The following RUSC2 variants were observed in gnomAD, a reference collection of about 807,000 sequenced individuals.
RUSC2 encodes the protein AP-4 complex accessory subunit RUSC2.
RUSC2 carries 34 observed loss-of-function variants against 122.2 expected under a neutral mutation model. The ratio of observed to expected loss-of-function variants is 0.28; its 90% CI spans 0.21 to 0.37. The LOEUF is 0.37. Ranked by LOEUF, RUSC2 falls within the 10% of genes least tolerant of loss-of-function variation. RUSC2 has a pLI of 1.00. For synonymous variants in RUSC2, 784 were observed against 790.0 expected, an observed-to-expected ratio of 0.99 and a Z score of 0.13; for missense variants, 1,747 against 1,952.4, an observed-to-expected ratio of 0.89 and a Z score of 1.98.
chr9:35,561,543 C>T lies in RUSC2; in HGVS notation c.*161C>T. On this transcript the variant is annotated 3_prime_UTR_variant, in exon 12 of 12. Transcript: ENST00000361226. ...TCCCTGTGCTCAGTATTAATTACGC[C>T]CCCTTAACTGTCCCAGTGACCTTGT... The T allele has an allele frequency of 1.6e-6, 1 of 630,218 alleles. No individual in the cohort carries two copies. The highest frequency in any genetic ancestry group is 2.0e-5 in the South Asian group (1 of 51,162). 39.0% of individuals were successfully genotyped at this position (630,218 alleles called of 1,614,324 possible).
At position 35,560,210 on chromosome 9, in the gene RUSC2, A is replaced by G; in HGVS notation, c.3570A>G (p.Glu1190=). The G allele has an allele frequency of 6.2e-7, 1 of 1,604,720 alleles. No individual in the cohort carries two copies. Among genetic ancestry groups the G allele is most frequent in the Non-Finnish European group, 8.5e-7 (1 of 1,179,340 alleles). ...QSGQQQRQHK[E]LLRVSQDLLL... Reference sequence around the variant, plus strand: ...GGCAGCAGCAGCGGCAGCACAAGGAACTGCTGCGGGTGTCCCAGGACCTGC... The same window carrying G: ...GGCAGCAGCAGCGGCAGCACAAGGAGCTGCTGCGGGTGTCCCAGGACCTGC... Residue 1190 remains glutamate, a synonymous_variant, in exon 10 of 12, where the codon GAA becomes GAG. Coordinates refer to ENST00000361226, the MANE Select transcript of RUSC2 (RefSeq NM_014806.5).
At chr9:35,525,201 T>G (rs1821302127) in intron 1 of RUSC2, among the ~76,000 whole-genome samples, 1 of 152,108 alleles carries the variant, frequency 6.6e-6, no homozygotes, top group East Asian at 1.9e-4. Flanking sequence ...AGGGGTAGGG[T>G]GGGATAAATA....
chr9:35,560,775 C>T lies in RUSC2; in HGVS notation c.4135C>T (p.Pro1379Ser). The change falls in exon 10 of 12, where the codon CCT becomes TCT. Residue 1379 changes from proline to serine, a missense_variant. Pro to Ser is a moderately conservative substitution (Grantham distance 74). Transcript: ENST00000361226. ...PAENEEGASE[P>S]SPGGIKWGHL... The stretch of plus-strand genomic sequence containing the variant: ...AGAAAATGAGGAAGGGGCCTCAGAG[C>T]CTTCACCTGGAGGCATCAAGTGGGG... The T allele has an allele frequency of 1.3e-6, 2 of 1,535,686 alleles. No individual in the cohort carries two copies. Among genetic ancestry groups the T allele is most frequent in the South Asian group, 1.3e-5 (1 of 77,064 alleles).
chr9:35,560,984 G>C lies in RUSC2; in HGVS notation c.4236G>C (p.Leu1412=). 1.2e-6 allele frequency: 2 copies of C among 1,614,196 alleles called. No individual in the cohort carries two copies. The highest frequency in any genetic ancestry group is 8.5e-7 in the Non-Finnish European group (1 of 1,180,022). ...TNRLPSDWLS[L]DKSMFQLVAQ... is the part of the protein sequence containing the mutation. Reference sequence around the variant, plus strand: ...GGCTCCCCTCGGACTGGCTGAGCCTGGACAAGTCCATGTTCCAACTAGTGG... The same window carrying C: ...GGCTCCCCTCGGACTGGCTGAGCCTCGACAAGTCCATGTTCCAACTAGTGG... Residue 1412 remains leucine, a synonymous_variant, in exon 11 of 12, where the codon CTG becomes CTC. Transcript: ENST00000361226.
intron 1 of RUSC2, among the ~76,000 whole-genome samples, chr9:35,498,212 C>G (rs1374737934): frequency 6.6e-6 from 1 of 150,494 alleles, no homozygotes; most frequent in African/African-American, 2.4e-5. Context: ...TACCTAATTA[C>G]TCAGGTAGGA....
At chr9:35,540,243 C>T (rs1405974344) in intron 1 of RUSC2, among the ~76,000 whole-genome samples, 1 of 152,108 alleles carries the variant, frequency 6.6e-6, no homozygotes, top group Non-Finnish European at 1.5e-5. Context: ...GTGGTGTGCA[C>T]CTGTAGTCCC....
In RUSC2 at chr9:35,548,824, G is replaced by A; in HGVS notation, c.2014+289G>A. The A allele has an allele frequency of 1.2e-6, 1 of 813,442 alleles. No homozygotes were observed. Among genetic ancestry groups the A allele is most frequent in the Non-Finnish European group, 1.5e-6 (1 of 672,862 alleles). The allele number at this position is 813,442 out of a possible 1,614,324, so 50.4% of individuals were successfully genotyped here. A position where few individuals can be genotyped will look rare whatever the true frequency, so the allele number is the denominator to read the frequency against. Reference sequence around the variant, plus strand: ...CCAGGCGAATCACTTGAGGTCAGGAGTTTGAGACCAGCCTGGCCAACATAA... The same window carrying A: ...CCAGGCGAATCACTTGAGGTCAGGAATTTGAGACCAGCCTGGCCAACATAA... On this transcript the variant is annotated intron_variant, in intron 2 of 11. Coordinates refer to ENST00000361226, the MANE Select transcript of RUSC2 (RefSeq NM_014806.5). This position sits in a 1 kb window ranked among gnomAD's most constrained non-coding sequence, Gnocchi z 4.5.
Position 35,555,211 on chromosome 9 carries a change from C to T in RUSC2, c.2166C>T (p.Leu722=), listed in dbSNP as rs1821984140. 6.2e-7 allele frequency: 1 copy of T among 1,613,314 alleles called. No homozygotes were observed. The highest frequency in any genetic ancestry group is 8.5e-7 in the Non-Finnish European group (1 of 1,180,014). The change falls in exon 3 of 12, where the codon CTC becomes CTT. Residue 722 remains leucine, a synonymous_variant. Coordinates refer to ENST00000361226, the MANE Select transcript of RUSC2 (RefSeq NM_014806.5). This position sits in a 1 kb window ranked among gnomAD's most constrained non-coding sequence, Gnocchi z 4.6. Reference sequence around the variant, plus strand: ...ACAGCCTTTCCCAGCTCTACAGCCTCTCAGGCTGCAGCCGTACACAGCAGC... The same window carrying T: ...ACAGCCTTTCCCAGCTCTACAGCCTTTCAGGCTGCAGCCGTACACAGCAGC... The part of the protein sequence containing the change: ...ALHSLSQLYS[L]SGCSRTQQPA...
rs958378320 is a variant in RUSC2, at chr9:35,557,779, G to C, written c.2984-135G>C. The C allele has an allele frequency of 2.7e-6, 2 of 729,258 alleles. No homozygotes were observed. Among genetic ancestry groups the C allele is most frequent in the South Asian group, 1.6e-5 (1 of 63,398 alleles). The allele number at this position is 729,258 out of a possible 1,614,324, so 45.2% of individuals were successfully genotyped here. On this transcript the variant is annotated intron_variant, in intron 5 of 11. Transcript: ENST00000361226. This position sits in a 1 kb window ranked among gnomAD's most constrained non-coding sequence, Gnocchi z 4.6. ...GAAAAGGGCCAGGCCTGAATGTTTT[G>C]ATAAGACCCATGTGCAGATGTGGAG...
At position 35,560,692 on chromosome 9, in the gene RUSC2, CTG is replaced by C; in HGVS notation, c.4055_4056del (p.Val1352AlafsTer21). 1 of 1,561,598 alleles carries C rather than the reference CTG, an allele frequency of 6.4e-7. No individual in the cohort carries two copies. Among genetic ancestry groups the C allele is most frequent in the Non-Finnish European group, 8.7e-7 (1 of 1,152,818 alleles). ...TTCTGGATGGGGAGCCCCCCTGACT[CTG>C]TGCTGGCCGAGCTGAGGCGCAGTCG... On this transcript the variant is annotated frameshift_variant, in exon 10 of 12. Coordinates refer to ENST00000361226, the MANE Select transcript of RUSC2 (RefSeq NM_014806.5). LOFTEE classifies it high-confidence loss of function.
intron 1 of RUSC2, among the ~76,000 whole-genome samples, chr9:35,494,834 T>A: frequency 6.8e-6 from 1 of 147,918 alleles, no homozygotes; most frequent in Non-Finnish European, 1.5e-5. Context: ...CTGTGCATTT[T>A]GTCTTACCCA....
rs1221564402 is a variant in RUSC2, at chr9:35,556,366, G to A, written c.2901G>A (p.Leu967=). Residue 967 remains leucine, a synonymous_variant, in exon 5 of 12, where the codon TTG becomes TTA. Coordinates refer to ENST00000361226, the MANE Select transcript of RUSC2 (RefSeq NM_014806.5). ...TCPDFQDPFS[L]TEKPPAEFCL... ...CTGACTTCCAGGACCCCTTTTCCTT[G>A]ACGGAGAAGCCTCCAGCTGAGTTTT... is the stretch of plus-strand genomic sequence containing the variant. The A allele has an allele frequency of 6.2e-7, 1 of 1,614,228 alleles. No homozygotes were observed. The highest frequency in any genetic ancestry group is 2.2e-5 in the East Asian group (1 of 44,884).
intron 9 of RUSC2, 59 bp from the exon 10 acceptor site, chr9:35,559,970 C>G (rs1018297491): frequency 7.0e-7 from 1 of 1,426,058 alleles, no homozygotes; most frequent in Admixed American, 2.1e-5. Context: ...CTTTCAAAGT[C>G]CCACTTGGGC....
Position 35,558,636 on chromosome 9 carries a change from A to G in RUSC2, c.3341+69A>G, listed in dbSNP as rs1822075805. On this transcript the variant is annotated intron_variant, in intron 8 of 11. Transcript: ENST00000361226. This position sits in a 1 kb window ranked among gnomAD's most constrained non-coding sequence, Gnocchi z 4.3. ...CCCCCCACCCCCGGGCTCTGCCTGCACCAAGGAAACAACGCCCTGGACAGA... is the reference window on the plus strand; with the variant it reads ...CCCCCCACCCCCGGGCTCTGCCTGCGCCAAGGAAACAACGCCCTGGACAGA... 1 of 1,297,042 alleles carries G rather than the reference A, an allele frequency of 7.7e-7. No homozygotes were observed. Among genetic ancestry groups the G allele is most frequent in the Non-Finnish European group, 1.1e-6 (1 of 894,096 alleles). The allele number at this position is 1,297,042 out of a possible 1,614,324, so 80.3% of individuals were successfully genotyped here.
At position 35,560,381 on chromosome 9, in the gene RUSC2, A is replaced by G; in HGVS notation, c.3741A>G (p.Thr1247=). The change falls in exon 10 of 12, where the codon ACA becomes ACG. Residue 1247 remains threonine, a synonymous_variant. Coordinates refer to ENST00000361226, the MANE Select transcript of RUSC2 (RefSeq NM_014806.5). ...GGEEEEEEEE[T]EEVAEAAGGS... Reference sequence around the variant, plus strand: ...AAGAGGAAGAGGAAGAAGAGGAGACAGAAGAGGTGGCAGAGGCAGCCGGGG... The same window carrying G: ...AAGAGGAAGAGGAAGAAGAGGAGACGGAAGAGGTGGCAGAGGCAGCCGGGG... 1 of 1,613,896 alleles carries G rather than the reference A, an allele frequency of 6.2e-7. No homozygotes were observed. Among genetic ancestry groups the G allele is most frequent in the African/African-American group, 1.3e-5 (1 of 75,066 alleles).
rs746443656 is a variant in RUSC2, at chr9:35,547,839, A to G, written c.1318A>G (p.Ser440Gly). The change falls in exon 2 of 12, where the codon AGC (serine) becomes GGC (glycine). Residue 440 changes from serine (S) to glycine (G), a missense_variant. By Grantham distance (56) the Ser-to-Gly change is moderately conservative. Transcript: ENST00000361226. The surrounding 1 kb of genome is among the most constrained non-coding windows in gnomAD (Gnocchi z 4.6). ...PPGPGPDPGP[S>G]QPSEYYLFQK... ...AGGCCCTGGCCCAGACCCAGGCCCC[A>G]GCCAGCCCTCTGAGTATTACCTATT... The G allele has an allele frequency of 6.2e-7, 1 of 1,614,046 alleles. No individual in the cohort carries two copies. Among genetic ancestry groups the G allele is most frequent in the Non-Finnish European group, 8.5e-7 (1 of 1,180,014 alleles).
intron 1 of RUSC2, among the ~76,000 whole-genome samples, chr9:35,541,452 A>G (rs1343923235): frequency 7.1e-6 from 1 of 141,550 alleles, no homozygotes; most frequent in Non-Finnish European, 1.6e-5. Flanking sequence ...GTTTACTCTC[A>G]TTTTTTTTTT....
rs1434642733 is a variant in RUSC2, at chr9:35,560,010, CCT to C, written c.3389-12_3389-11del. ...CTCTGGTTCTCTGTGTGGATCAGTC[CCT>C]CTCTCTTTTCCCCTAGACATCATCC... On this transcript the variant is annotated splice_polypyrimidine_tract_variant and intron_variant, in intron 9 of 11. Coordinates refer to ENST00000361226, the MANE Select transcript of RUSC2 (RefSeq NM_014806.5). 1.9e-6 allele frequency: 3 copies of C among 1,563,314 alleles called. No homozygotes were observed. The highest frequency in any genetic ancestry group is 1.7e-6 in the Non-Finnish European group (2 of 1,147,860).
At chr9:35,552,352 CTCTG>C (rs1563871886) in intron 2 of RUSC2, among the ~76,000 whole-genome samples, 3 of 152,128 alleles carry the variant, frequency 2.0e-5, no homozygotes, top group African/African-American at 4.8e-5. Context: ...CAAAGTGAGA[CTCTG>C]TCTCAGAAAA....
Sources: gnomAD v4.1 joint callset for allele counts (sites outside exome capture counted in the v4.1 genomes callset) on GRCh38, gnomAD v4.1.1 for gene constraint, Gnocchi (gnomAD v3.1) non-coding constraint, MANE v1.5 for transcripts, NCBI Gene and HGNC (gene_info 2026-07-23, HGNC 2026-07-21) for gene names.